Variants in UTP11 observed in about 807,000 individuals in gnomAD.
UTP11 encodes probable U3 small nucleolar RNA-associated protein 11.
A neutral mutation model predicts 39.0 loss-of-function variants in UTP11; 29 were observed. The observed-to-expected ratio is 0.74, with a 90% CI of 0.55 to 1.01. The LOEUF (loss-of-function observed/expected upper bound fraction) is 1.01. Ranked by LOEUF, UTP11 falls within the 50% of genes least tolerant of loss-of-function variation. The pLI is 0.00. For missense variants in UTP11, 281 were observed against 306.0 expected (o/e 0.92, Z 0.61); for synonymous variants, 111 against 105.0 (o/e 1.06, Z -0.35).
At chr1:38,012,888 A>T (rs769587827) in intron 1 of UTP11, 23 bp downstream of exon 1, 1 of 1,614,142 alleles carries the variant, frequency 6.2e-7, no homozygotes, top group Admixed American at 1.7e-5. Flanking sequence ...AGGCCCCACA[A>T]GTGCTGGCCT....
At chr1:38,018,751 G>A (rs1646719761) in intron 4 of UTP11, among the ~76,000 whole-genome samples, 174 bp downstream of exon 4, 1 of 152,190 alleles carries the variant, frequency 6.6e-6, no homozygotes, top group South Asian at 2.1e-4. Flanking sequence ...TTGGGAATGA[G>A]ACAGACCTAG....
intron 1 of UTP11, among the ~76,000 whole-genome samples, chr1:38,014,502 A>G (rs1646696517): frequency 6.6e-6 from 1 of 152,238 alleles, no homozygotes; most frequent in Non-Finnish European, 1.5e-5. Flanking sequence ...TTGTACATTC[A>G]GGTGGACATG....
intron 4 of UTP11, 44 bp downstream of exon 4, chr1:38,018,621 G>A: frequency 7.0e-7 from 1 of 1,430,574 alleles, no homozygotes; most frequent in Non-Finnish European, 9.7e-7. Flanking sequence ...GTTAAGAAGG[G>A]AAACTTAAAT....
chr1:38,015,452 ATTAG>A (rs1646702801), intron 1 of UTP11, among the ~76,000 whole-genome samples: 1 of 152,184 alleles, frequency 6.6e-6, no homozygotes, highest in South Asian at 2.1e-4. Context: ...TCTGCTACTT[ATTAG>A]TTCTGTGTTC....
chr1:38,014,018 A>T (rs1465815219), intron 1 of UTP11, among the ~76,000 whole-genome samples: 1 of 152,166 alleles, frequency 6.6e-6, no homozygotes, highest in East Asian at 1.9e-4. Flanking sequence ...CCCGGCCAAA[A>T]CTATCACCTT....
In UTP11 at chr1:38,019,140, A is replaced by G; in HGVS notation, c.424A>G (p.Thr142Ala). The change falls in exon 5 of 8, where the codon ACC (threonine) becomes GCC (alanine). Residue 142 changes from threonine (T) to alanine (A), a missense_variant. By Grantham distance (58) the Thr-to-Ala change is moderately conservative. Transcript: ENST00000373014. Reference protein sequence around the residue: ...QQNKHVFFFDTKKEVEQFDVA... With the variant: ...QQNKHVFFFDAKKEVEQFDVA... ...GAACAAGCATGTGTTCTTTTTTGAC[A>G]CCAAAAAGGAAGGTATGAAATGTTT... The G allele has an allele frequency of 6.2e-7, 1 of 1,613,838 alleles. No individual in the cohort carries two copies. The highest frequency in any genetic ancestry group is 1.1e-5 in the South Asian group (1 of 91,026).
chr1:38,019,627 G>C (rs1380086786), intron 6 of UTP11, among the ~76,000 whole-genome samples: 1 of 151,990 alleles, frequency 6.6e-6, no homozygotes, highest in Non-Finnish European at 1.5e-5. Context: ...GGGACTATAG[G>C]GGTGCAACAC....
In UTP11 at chr1:38,018,544, A is replaced by T. The variant is rs1646718803; in HGVS notation, c.309A>T (p.Lys103Asn). 6.2e-7 allele frequency: 1 copy of T among 1,613,840 alleles called. No individual in the cohort carries two copies. Among genetic ancestry groups the T allele is most frequent in the South Asian group, 1.1e-5 (1 of 91,026 alleles). Residue 103 changes from lysine to asparagine, a missense_variant, in exon 4 of 8, where the codon AAA becomes AAT. Transcript: ENST00000373014. ...AGCTGATGAGAACTCAGGACGTCAA[A>T]TATATAGAAATGAAGAGGGTTGCAG... ...QLKLMRTQDVKYIEMKRVAEA... is the reference protein window; with the variant it reads ...QLKLMRTQDVNYIEMKRVAEA...
chr1:38,020,752 A>G (rs1646731783), intron 6 of UTP11, among the ~76,000 whole-genome samples: 1 of 152,216 alleles, frequency 6.6e-6, no homozygotes, highest in Non-Finnish European at 1.5e-5. Context: ...CAGTCTGTGC[A>G]ATAAAGCGAA....
intron 6 of UTP11, 141 bp from the exon 7 acceptor site, chr1:38,022,558 T>C (rs1646744240): frequency 1.3e-5 from 8 of 629,266 alleles, no homozygotes; most frequent in East Asian, 5.6e-5. Flanking sequence ...GGCAACGTTA[T>C]TGTTACCACG....
rs568032403 is a variant in UTP11 at position 38,024,629 on chromosome 1, G to T, written c.*1001G>T. The stretch of plus-strand genomic sequence containing the variant: ...TCACCTTGTTAGCCAGGATGGTCTC[G>T]ATCTCCTGACCTCATGATCCACCCG... On this transcript the variant is annotated 3_prime_UTR_variant, in exon 8 of 8. Coordinates refer to ENST00000373014, the MANE Select transcript of UTP11 (RefSeq NM_016037.4). 6.7e-6 allele frequency: 1 copy of T among 149,248 alleles called. No homozygotes were observed. The highest frequency in any genetic ancestry group is 2.5e-5 in the African/African-American group (1 of 40,438). The allele number at this position is 149,248 out of a possible 1,614,324, so 9.2% of individuals were successfully genotyped here.
At chr1:38,022,211 T>C (rs565933717) in intron 6 of UTP11, among the ~76,000 whole-genome samples, 1 of 152,128 alleles carries the variant, frequency 6.6e-6, no homozygotes, top group Admixed American at 6.5e-5. Flanking sequence ...AGCAGCTTAG[T>C]GTAGTAGTGG....
chr1:38,015,146 T>C (rs1389565518), intron 1 of UTP11, among the ~76,000 whole-genome samples: 2 of 152,110 alleles, frequency 1.3e-5, no homozygotes, highest in Non-Finnish European at 2.9e-5. Context: ...GCTCAGCCTC[T>C]TGAGTAGCTG....
intron 1 of UTP11, among the ~76,000 whole-genome samples, chr1:38,013,831 C>T (rs935779280): frequency 1.3e-5 from 2 of 152,214 alleles, no homozygotes; most frequent in South Asian, 4.1e-4. Flanking sequence ...TCTCCTGCCT[C>T]AGCCTCTCGA....
chr1:38,015,229 C>T (rs1016045544), intron 1 of UTP11, among the ~76,000 whole-genome samples: 1 of 152,084 alleles, frequency 6.6e-6, no homozygotes, highest in Non-Finnish European at 1.5e-5. Flanking sequence ...ACCAGGTTGG[C>T]CAGGCTTGTC....
intron 1 of UTP11, 38 bp downstream of exon 1, chr1:38,012,903 C>A: frequency 6.2e-7 from 1 of 1,613,640 alleles, no homozygotes; most frequent in Non-Finnish European, 8.5e-7. Flanking sequence ...TGGCCTTTGT[C>A]GCCATGTGTT....
intron 2 of UTP11, chr1:38,016,662 C>T (rs577495693): frequency 4.5e-6 from 2 of 445,590 alleles, no homozygotes; most frequent in African/African-American, 2.0e-5. Context: ...TGTTCCAGAT[C>T]ATTTTCTCAT....
At chr1:38,013,789 A>G (rs1646691737) in intron 1 of UTP11, among the ~76,000 whole-genome samples, 1 of 151,956 alleles carries the variant, frequency 6.6e-6, no homozygotes, top group Non-Finnish European at 1.5e-5. Flanking sequence ...ATCTCGCCTC[A>G]CTACAACCTC....
At position 38,022,774 on chromosome 1, in the gene UTP11, A is replaced by G. The variant is rs751193439; in HGVS notation, c.643A>G (p.Ile215Val). Reference sequence around the variant, plus strand: ...TGAACGAGAGAAGAAATTGTTCGTTATTGCTCAGAAAATTCAAACACGCAA... The same window carrying G: ...TGAACGAGAGAAGAAATTGTTCGTTGTTGCTCAGAAAATTCAAACACGCAA... ...RIEREKKLFV[I>V]AQKIQTRKDL... The change falls in exon 7 of 8, where the codon ATT becomes GTT. Residue 215 changes from isoleucine to valine, a missense_variant. Coordinates refer to ENST00000373014, the MANE Select transcript of UTP11 (RefSeq NM_016037.4). 7 of 1,613,902 alleles carry G rather than the reference A, an allele frequency of 4.3e-6. No homozygotes were observed. Among genetic ancestry groups the G allele is most frequent in the Non-Finnish European group, 5.9e-6 (7 of 1,179,882 alleles).
Sources: gnomAD v4.1 joint callset for allele counts (sites outside exome capture counted in the v4.1 genomes callset) on GRCh38, gnomAD v4.1.1 for gene constraint, MANE v1.5 for transcripts, NCBI Gene and HGNC (gene_info 2026-07-23, HGNC 2026-07-21) for gene names.